SAMMSON: variants seen among roughly 807,000 people sequenced by gnomAD.
The protein encoded by SAMMSON is long intergenic non-protein coding RNA 1212.
intron 4 of SAMMSON, among the ~76,000 whole-genome samples, chr3:70,236,464 C>T (rs182774198): frequency 1.1e-4 from 17 of 152,332 alleles, no homozygotes; most frequent in Admixed American, 1.1e-3. Flanking sequence ...CCACTTGCAA[C>T]ATGTTCTTCT....
intron 4 of SAMMSON, among the ~76,000 whole-genome samples, chr3:70,111,954 G>A (rs1163199256): frequency 6.6e-6 from 1 of 152,132 alleles, no homozygotes; most frequent in Non-Finnish European, 1.5e-5. Context: ...GTCTTGAAAG[G>A]TAGAATGAGA....
rs913676823 is a variant in SAMMSON at position 70,383,249 on chromosome 3, C to T, written n.914-6325C>T. 3.3e-5 allele frequency among the ~76,000 whole-genome samples: 5 copies of T among 151,190 alleles called. No homozygotes were observed. In the East Asian group the frequency reaches 9.7e-4, roughly 29 times the overall value. On this transcript the variant is annotated intron_variant and non_coding_transcript_variant, in intron 9 of 9. Transcript: ENST00000642114. ...AAAAAGACATATCACTCCTTCAGTC[C>T]CTAGCAGGGCTAGTATACATTTGTT...
intron 4 of SAMMSON, among the ~76,000 whole-genome samples, chr3:70,078,126 G>A (rs2067255521): frequency 6.6e-6 from 1 of 152,168 alleles, no homozygotes; most frequent in South Asian, 2.1e-4. Flanking sequence ...GTGGGGAGGA[G>A]TGGTGTTCCC....
At chr3:70,157,401 C>T (rs1482004425) in intron 4 of SAMMSON, among the ~76,000 whole-genome samples, 3 of 152,008 alleles carry the variant, frequency 2.0e-5, no homozygotes, top group African/African-American at 7.2e-5. Flanking sequence ...TCAAAATATA[C>T]GCTGAGGAGA....
At chr3:70,204,212 A>G (rs1701268789) in intron 4 of SAMMSON, among the ~76,000 whole-genome samples, 1 of 152,212 alleles carries the variant, frequency 6.6e-6, no homozygotes, top group African/African-American at 2.4e-5. Flanking sequence ...GCCACAAACT[A>G]CATGAAAGTG....
At chr3:70,026,303 G>A (rs930986762) in intron 3 of SAMMSON, among the ~76,000 whole-genome samples, 10 of 152,224 alleles carry the variant, frequency 6.6e-5, no homozygotes, top group Non-Finnish European at 1.2e-4. Flanking sequence ...GTTGTTAGCC[G>A]ATTGAATATA....
chr3:70,362,819 T>C (rs1194239364), intron 9 of SAMMSON, among the ~76,000 whole-genome samples: 2 of 151,684 alleles, frequency 1.3e-5, no homozygotes, highest in African/African-American at 4.8e-5. Context: ...TTTTTTTTTT[T>C]TTCTCCAGTG....
chr3:70,006,954 A>C (rs1052876029), intron 1 of SAMMSON, among the ~76,000 whole-genome samples: 1 of 151,884 alleles, frequency 6.6e-6, no homozygotes, highest in South Asian at 2.1e-4. Flanking sequence ...AGCTTCATCC[A>C]TGTCCCTACA....
At chr3:70,132,950 G>A (rs948988642) in intron 4 of SAMMSON, among the ~76,000 whole-genome samples, 13 of 152,056 alleles carry the variant, frequency 8.5e-5, no homozygotes, top group Admixed American at 7.2e-4. Context: ...CCAGGTGAAT[G>A]GTGTCTGTTA....
At chr3:70,293,073 TA>T (rs1702254802) in intron 7 of SAMMSON, among the ~76,000 whole-genome samples, 1 of 112,318 alleles carries the variant, frequency 8.9e-6, no homozygotes, top group Non-Finnish European at 1.9e-5. Context: ...AAAAAAAAAG[TA>T]GCATATTACA....
At chr3:70,116,292 CTTTTTT>C (rs57252778) in intron 4 of SAMMSON, among the ~76,000 whole-genome samples, 1 of 118,216 alleles carries the variant, frequency 8.5e-6, no homozygotes, top group Non-Finnish European at 1.7e-5. Flanking sequence ...GCGATGCTTT[CTTTTTT>C]TTTTTTTTTT....
intron 9 of SAMMSON, among the ~76,000 whole-genome samples, chr3:70,374,878 A>G (rs932180206): frequency 1.3e-5 from 2 of 152,116 alleles, no homozygotes; most frequent in Admixed American, 6.6e-5. Flanking sequence ...AATTGCCCCA[A>G]TCTGCTGGTA....
chr3:70,336,034 A>C (rs1702657737), intron 7 of SAMMSON, among the ~76,000 whole-genome samples: 1 of 152,002 alleles, frequency 6.6e-6, no homozygotes, highest in African/African-American at 2.4e-5. Flanking sequence ...GTTCATCCTA[A>C]AAAAGAACCT....
At chr3:70,322,449 T>TC (rs1389227765) in intron 7 of SAMMSON, among the ~76,000 whole-genome samples, 2 of 152,066 alleles carry the variant, frequency 1.3e-5, no homozygotes, top group African/African-American at 4.8e-5. Flanking sequence ...CAAGATCTCC[T>TC]CCCCAAATAG....
At chr3:70,074,824 G>C (rs2067242410) in intron 4 of SAMMSON, 1 of 152,058 alleles carries the variant, frequency 6.6e-6, no homozygotes, top group African/African-American at 2.4e-5. Context: ...CATGCCTTCT[G>C]TTTTGCTTGT....
downstream of SAMMSON, among the ~76,000 whole-genome samples, chr3:70,393,730 G>C (rs186032418): frequency 6.6e-6 from 1 of 152,044 alleles, no homozygotes; most frequent in African/African-American, 2.4e-5. Context: ...AGGTGCAAAG[G>C]TCTGGAGGTG....
At chr3:70,028,291 G>A (rs1054162709) in intron 3 of SAMMSON, among the ~76,000 whole-genome samples, 3 of 151,866 alleles carry the variant, frequency 2.0e-5, no homozygotes, top group Admixed American at 6.6e-5. Context: ...TATTTGATGA[G>A]GAATAGCAGT....
At chr3:70,070,683 T>C (rs1417791165) in intron 3 of SAMMSON, among the ~76,000 whole-genome samples, 2 of 152,054 alleles carry the variant, frequency 1.3e-5, no homozygotes, top group African/African-American at 4.8e-5. Context: ...ACTTGTTAGA[T>C]TTAATTTTTA....
intron 6 of SAMMSON, among the ~76,000 whole-genome samples, chr3:70,276,498 C>T (rs776911351): frequency 8.6e-5 from 13 of 152,014 alleles, no homozygotes; most frequent in South Asian, 2.1e-4. Flanking sequence ...GTGAATTATA[C>T]GAAATTTTAA....
Sources: allele counts gnomAD v4.1 joint callset (sites outside exome capture counted in the v4.1 genomes callset), GRCh38; gene constraint gnomAD v4.1.1; transcripts MANE v1.5; gene names NCBI Gene and HGNC (gene_info 2026-07-23, HGNC 2026-07-21).